Variants in FOXN3 observed in about 807,000 individuals in gnomAD.
FOXN3 encodes forkhead box protein N3.
Under a neutral mutation model 38.4 loss-of-function variants are expected in FOXN3, and 7 were observed. The observed-to-expected ratio is 0.18, with a 90% CI of 0.10 to 0.34. The LOEUF (loss-of-function observed/expected upper bound fraction) is 0.34. FOXN3 is among the 10% of genes least tolerant of loss of function. The pLI is 1.00. For synonymous variants in FOXN3, 230 were observed against 242.2 expected (o/e 0.95, Z 0.47); for missense variants, 456 against 613.4 (o/e 0.74, Z 2.71).
chr14:89,378,056 T>A (rs1399644829), intron 2 of FOXN3, among the ~76,000 whole-genome samples: 1 of 152,206 alleles, frequency 6.6e-6, no homozygotes, highest in Non-Finnish European at 1.5e-5. Flanking sequence ...AGAAAATAAA[T>A]TCCTTTTATT....
Sources: allele counts gnomAD v4.1 joint callset (sites outside exome capture counted in the v4.1 genomes callset), GRCh38; gene constraint gnomAD v4.1.1; transcripts MANE v1.5; gene names NCBI Gene and HGNC (gene_info 2026-07-23, HGNC 2026-07-21).